Variants in KCNH7 observed in about 807,000 individuals in gnomAD.
The protein encoded by KCNH7 is voltage-gated inwardly rectifying potassium channel KCNH7.
KCNH7 carries 49 observed loss-of-function variants against 120.8 expected under a neutral mutation model. The observed-to-expected ratio is 0.41, with a 90% CI of 0.32 to 0.51. The LOEUF is 0.51. Ranked by LOEUF, KCNH7 falls within the 20% of genes least tolerant of loss-of-function variation. KCNH7 has a pLI of 0.38. For missense variants in KCNH7, 1,097 were observed against 1,446.6 expected, an observed-to-expected ratio of 0.76 and a Z score of 3.92; for synonymous variants, 547 against 516.1, an observed-to-expected ratio of 1.06 and a Z score of -0.81.
At chr2:162,641,202 C>T (rs1019826152) in intron 2 of KCNH7, among the ~76,000 whole-genome samples, 1 of 152,096 alleles carries the variant, frequency 6.6e-6, no homozygotes, top group African/African-American at 2.4e-5. Context: ...AAAACCTGTA[C>T]ATGAATGTTT....
intron 2 of KCNH7, among the ~76,000 whole-genome samples, chr2:162,832,192 C>T (rs1229735172): frequency 6.6e-6 from 1 of 152,048 alleles, no homozygotes; most frequent in Non-Finnish European, 1.5e-5. Flanking sequence ...AGGCAAGATA[C>T]GCTCTGAAAA....
intron 2 of KCNH7, among the ~76,000 whole-genome samples, chr2:162,563,140 C>T (rs940111849): frequency 2.6e-5 from 4 of 152,162 alleles, no homozygotes; most frequent in African/African-American, 7.2e-5. Context: ...ACCTCCCAGG[C>T]AAGGACAATG....
rs564078311 is a variant in KCNH7 at position 162,587,758 on chromosome 2, A to G, written c.308-50678T>C. Among the ~76,000 whole-genome samples the G allele has an allele frequency of 2.0e-5, 3 of 152,182 alleles. No individual in the cohort carries two copies. The South Asian group carries it at 6.2e-4, about 32-fold the overall frequency. On this transcript the variant is annotated intron_variant, in intron 2 of 15. Transcript: ENST00000332142. ...TGCCTTGTAGTAAATGGTTCTATCT[A>G]TGGAATAGTCAAACATTTACTTCTT...
intron 9 of KCNH7, among the ~76,000 whole-genome samples, chr2:162,413,430 C>T (rs531511189): frequency 6.6e-6 from 1 of 152,044 alleles, no homozygotes; most frequent in Non-Finnish European, 1.5e-5. Context: ...CCCAGCCAAA[C>T]CATTCTTATA....
chr2:162,388,118 C>T (rs747365202), intron 12 of KCNH7, among the ~76,000 whole-genome samples: 1 of 151,516 alleles, frequency 6.6e-6, no homozygotes, highest in Non-Finnish European at 1.5e-5. Flanking sequence ...CTTTAGGCCT[C>T]CTATAGCTCT....
rs141502111 is a variant in KCNH7 at position 162,755,228 on chromosome 2, G to A, written c.307+81309C>T. 5.4e-3 allele frequency among the ~76,000 whole-genome samples: 829 copies of A among 152,244 alleles called. 10 individuals carry two copies. The highest frequency in any genetic ancestry group is 0.019 in the African/African-American group (773 of 41,554). On this transcript the variant is annotated intron_variant, in intron 2 of 15. Coordinates refer to ENST00000332142, the MANE Select transcript of KCNH7 (RefSeq NM_033272.4). ...CATGCCTATAATCCTAGCACTTTGG[G>A]AGGCCAAGGCAGGTGGATTACCTGA...
At chr2:162,520,521 A>G (rs925719322) in intron 3 of KCNH7, among the ~76,000 whole-genome samples, 1 of 151,826 alleles carries the variant, frequency 6.6e-6, no homozygotes, top group African/African-American at 2.4e-5. Context: ...GCACTTCGTG[A>G]AGAAAAGGCA....
intron 2 of KCNH7, among the ~76,000 whole-genome samples, chr2:162,625,821 G>T (rs1048749830): frequency 3.9e-5 from 6 of 152,122 alleles, no homozygotes; most frequent in African/African-American, 7.2e-5. Context: ...GAAATGAAAA[G>T]ATATAGATTG....
chr2:162,769,081 T>A (rs1271758870), intron 2 of KCNH7: 1 of 152,150 alleles, frequency 6.6e-6, no homozygotes, highest in Non-Finnish European at 1.5e-5. Flanking sequence ...TATAGTAGGG[T>A]TAAATGTGGC....
intron 2 of KCNH7, among the ~76,000 whole-genome samples, chr2:162,707,674 C>T (rs1213714168): frequency 6.6e-6 from 1 of 151,946 alleles, no homozygotes; most frequent in Non-Finnish European, 1.5e-5. Flanking sequence ...ATATAAATAG[C>T]TCTGATATAA....
intron 2 of KCNH7, among the ~76,000 whole-genome samples, chr2:162,676,226 G>C (rs1685525170): frequency 6.6e-6 from 1 of 151,414 alleles, no homozygotes; most frequent in African/African-American, 2.4e-5. Context: ...TTACCTCTAA[G>C]GCTCTGCTTC....
chr2:162,602,900 GGAGGAGGAGGAGGAGGGT>G (rs1408342197), intron 2 of KCNH7, among the ~76,000 whole-genome samples: 2 of 150,490 alleles, frequency 1.3e-5, no homozygotes, highest in Non-Finnish European at 3.0e-5. Flanking sequence ...AATGTGAGGA[GGAGGAGGAGGAGGAGGGT>G]GAGGAGGAGG....
At chr2:162,694,477 A>AGTGTGTGTGTGTGTGTGTGTGT (rs71009366) in intron 2 of KCNH7, among the ~76,000 whole-genome samples, 5 of 146,302 alleles carry the variant, frequency 3.4e-5, no homozygotes, top group African/African-American at 1.2e-4. Context: ...TGTGTGAAAG[A>AGTGTGTGTGTGTGTGTGTGTGT]GTGTGTGTGT....
chr2:162,518,583 G>A (rs890948662), intron 3 of KCNH7, among the ~76,000 whole-genome samples: 1 of 151,766 alleles, frequency 6.6e-6, no homozygotes, highest in African/African-American at 2.4e-5. Flanking sequence ...TATGGGTGAT[G>A]GGGAGCTAAT....
intron 7 of KCNH7, among the ~76,000 whole-genome samples, chr2:162,437,380 G>T (rs900471104): frequency 6.6e-6 from 1 of 152,032 alleles, no homozygotes; most frequent in Non-Finnish European, 1.5e-5. Flanking sequence ...GAATGAAGGT[G>T]CTTGCTTTTT....
chr2:162,818,215 A>G (rs1219745663), intron 2 of KCNH7, among the ~76,000 whole-genome samples: 1 of 151,928 alleles, frequency 6.6e-6, no homozygotes, highest in African/African-American at 2.4e-5. Context: ...ATTTTTGTTT[A>G]TATCTCAAAA....
chr2:162,709,041 G>A (rs552550932), intron 2 of KCNH7, among the ~76,000 whole-genome samples: 5 of 152,198 alleles, frequency 3.3e-5, no homozygotes, highest in Non-Finnish European at 7.4e-5. Flanking sequence ...AAGTGGGGCA[G>A]TAGCATGCTG....
intron 2 of KCNH7, among the ~76,000 whole-genome samples, chr2:162,789,075 T>G (rs1683824142): frequency 6.6e-6 from 1 of 151,604 alleles, no homozygotes; most frequent in South Asian, 2.1e-4. Context: ...TGAGAGATAC[T>G]TTCCCAAACA....
chr2:162,624,825 A>C (rs1224241896), intron 2 of KCNH7, among the ~76,000 whole-genome samples: 4 of 147,636 alleles, frequency 2.7e-5, no homozygotes, highest in Non-Finnish European at 5.9e-5. Context: ...AATGATTCAT[A>C]TTACGCCACC....
Sources: allele counts gnomAD v4.1 joint callset (sites outside exome capture counted in the v4.1 genomes callset), GRCh38; gene constraint gnomAD v4.1.1; transcripts MANE v1.5; gene names NCBI Gene and HGNC (gene_info 2026-07-23, HGNC 2026-07-21).